CDK14: variants seen among roughly 807,000 people sequenced by gnomAD.
CDK14 encodes cyclin dependent kinase 14.
Under a neutral mutation model 60.7 loss-of-function variants are expected in CDK14, and 34 were observed. The observed-to-expected ratio is 0.56, with a 90% confidence interval of 0.43 to 0.75. The LOEUF is 0.75. CDK14 is among the 30% of genes least tolerant of loss of function. The probability of loss-of-function intolerance (pLI) is 0.00; values close to 1 mark genes in which losing one functional copy is unlikely to be tolerated. For synonymous variants in CDK14, 197 were observed against 203.7 expected, an observed-to-expected ratio of 0.97 and a Z score of 0.28; for missense variants, 482 against 564.1, an observed-to-expected ratio of 0.85 and a Z score of 1.47.
At chr7:91,076,530 C>A (rs866462933) in intron 11 of CDK14, among the ~76,000 whole-genome samples, 1 of 152,026 alleles carries the variant, frequency 6.6e-6, no homozygotes, top group Non-Finnish European at 1.5e-5. Flanking sequence ...AATATAAAGC[C>A]CCAAATCATA....
intron 10 of CDK14, among the ~76,000 whole-genome samples, chr7:91,037,568 T>C (rs923217994): frequency 1.3e-5 from 2 of 152,202 alleles, no homozygotes; most frequent in African/African-American, 4.8e-5. Context: ...CAGCTTCTCC[T>C]AGAAGCAGAT....
intron 8 of CDK14, among the ~76,000 whole-genome samples, chr7:90,938,721 G>A (rs893956540): frequency 1.2e-4 from 19 of 152,174 alleles, no homozygotes; most frequent in Admixed American, 7.9e-4. Context: ...GAAGTTGCCA[G>A]TAGTTGAAAC....
chr7:90,937,215 G>A (rs1793784182), intron 8 of CDK14, among the ~76,000 whole-genome samples: 2 of 152,150 alleles, frequency 1.3e-5, no homozygotes, highest in Non-Finnish European at 2.9e-5. Context: ...ATGGTAAACT[G>A]TAGAAACATT....
intron 14 of CDK14, among the ~76,000 whole-genome samples, chr7:91,142,192 AT>A (rs1472155912): frequency 2.0e-5 from 3 of 152,120 alleles, no homozygotes; most frequent in African/African-American, 7.2e-5. Context: ...CATGAAAATA[AT>A]TTTTTTCTGC....
Position 90,757,823 on chromosome 7 carries a change from G to A in CDK14, c.464+10048G>A, listed in dbSNP as rs575061662. 3.9e-5 allele frequency among the ~76,000 whole-genome samples: 6 copies of A among 152,124 alleles called. No individual in the cohort carries two copies. The South Asian group carries it at 1.0e-3, about 26-fold the overall frequency. On this transcript the variant is annotated intron_variant, in intron 4 of 14. Coordinates refer to ENST00000380050, the MANE Select transcript of CDK14 (RefSeq NM_001287135.2). ...TTGCCATGTTGCCCAGACTGGTCTC[G>A]AACTCCTGAACTAAAGTGATCCACC...
chr7:91,173,886 A>G lies in CDK14; in HGVS notation c.*29-33279A>G, dbSNP rs1327016854. On this transcript the variant is annotated intron_variant, in intron 14 of 14. Coordinates refer to ENST00000380050, the MANE Select transcript of CDK14 (RefSeq NM_001287135.2). ...GCGGCAGCGAGGCTGGGGGAGGGGC[A>G]CCCGCCATTGCACAGGCTTGATTAG... Among the ~76,000 whole-genome samples, 377 of 151,980 alleles carry G rather than the reference A, an allele frequency of 2.5e-3. 4 individuals carry two copies. The highest frequency in any genetic ancestry group is 0.019 in the East Asian group (99 of 5,132).
chr7:90,649,917 A>G (rs1584769028), intron 2 of CDK14, among the ~76,000 whole-genome samples: 1 of 152,184 alleles, frequency 6.6e-6, no homozygotes, highest in East Asian at 1.9e-4. Context: ...TGCGGTAAAC[A>G]TACATATGCA....
chr7:90,954,209 C>A (rs1223309662), intron 8 of CDK14, among the ~76,000 whole-genome samples: 3 of 152,008 alleles, frequency 2.0e-5, no homozygotes, highest in African/African-American at 7.2e-5. Context: ...TTTGTCTTAC[C>A]AGCTGTCTTA....
chr7:90,706,939 T>A (rs1801909966), intron 2 of CDK14, among the ~76,000 whole-genome samples: 1 of 152,074 alleles, frequency 6.6e-6, no homozygotes, highest in African/African-American at 2.4e-5. Context: ...GTAGTTTTTG[T>A]CTGAGGCCAC....
At chr7:91,168,941 G>A (rs772524722) in intron 14 of CDK14, among the ~76,000 whole-genome samples, 15 of 152,154 alleles carry the variant, frequency 9.9e-5, no homozygotes, top group Non-Finnish European at 1.9e-4. Context: ...GTGCTGGGCC[G>A]TGGACTCATC....
chr7:90,915,259 AC>A (rs1400051464), intron 7 of CDK14, among the ~76,000 whole-genome samples: 5 of 151,980 alleles, frequency 3.3e-5, no homozygotes, highest in African/African-American at 1.2e-4. Context: ...ACATGGTGAA[AC>A]CCCGTCTCTA....
chr7:91,162,517 G>A lies in CDK14; in HGVS notation c.*28+44309G>A, dbSNP rs111677154. On this transcript the variant is annotated intron_variant, in intron 14 of 14. Coordinates refer to ENST00000380050, the MANE Select transcript of CDK14 (RefSeq NM_001287135.2). ...CAGGAAACCGGGAAGGTTAGGGGAG[G>A]GAGAGGAGCCAGGCCCCAGGGCCAG... 4.7e-3 allele frequency among the ~76,000 whole-genome samples: 711 copies of A among 152,220 alleles called. 10 individuals carry two copies. The highest frequency in any genetic ancestry group is 0.016 in the African/African-American group (677 of 41,546).
At chr7:90,925,735 C>A (rs1793397231) in intron 8 of CDK14, among the ~76,000 whole-genome samples, 1 of 152,078 alleles carries the variant, frequency 6.6e-6, no homozygotes, top group Admixed American at 6.6e-5. Context: ...GACATGTGAG[C>A]ATTTTGCTCA....
chr7:90,965,702 T>G (rs967020366), intron 9 of CDK14, among the ~76,000 whole-genome samples: 15 of 152,230 alleles, frequency 9.9e-5, no homozygotes, highest in African/African-American at 3.6e-4. Flanking sequence ...GAGATACAGT[T>G]TTCAAATTCT....
chr7:90,828,692 T>G (rs1219510676), intron 5 of CDK14, among the ~76,000 whole-genome samples: 1 of 152,142 alleles, frequency 6.6e-6, no homozygotes, highest in Non-Finnish European at 1.5e-5. Flanking sequence ...CTTGTTGAAT[T>G]ACCCACTGAC....
At chr7:90,862,673 C>T (rs1256554980) in intron 5 of CDK14, among the ~76,000 whole-genome samples, 1 of 152,050 alleles carries the variant, frequency 6.6e-6, no homozygotes, top group Non-Finnish European at 1.5e-5. Context: ...ATCAAATTGA[C>T]ATTTATAGAA....
chr7:90,870,594 C>G (rs1791340102), intron 6 of CDK14, among the ~76,000 whole-genome samples: 1 of 152,048 alleles, frequency 6.6e-6, no homozygotes, highest in Non-Finnish European at 1.5e-5. Flanking sequence ...TCCACCATGC[C>G]CTAAGGAGAA....
rs749770906 is a variant in CDK14 at position 90,618,153 on chromosome 7, CA to C, written c.123+13905del. Among the ~76,000 whole-genome samples the C allele has an allele frequency of 1.4e-4, 21 of 152,264 alleles. No homozygotes were observed. In the East Asian group the frequency reaches 3.7e-3, roughly 27 times the overall value. The stretch of plus-strand genomic sequence containing the variant: ...GCTTCATTTTTATTTCATATTATGA[CA>C]GCTAAAATCTTTGTGAAGATTAAAA... On this transcript the variant is annotated intron_variant, in intron 2 of 14. Transcript: ENST00000380050.
chr7:90,710,705 T>A (rs368322227), intron 2 of CDK14: 56 of 247,226 alleles, frequency 2.3e-4, no homozygotes, highest in African/African-American at 1.2e-3. Context: ...GGAGAACCCC[T>A]GCATTCATGA....
Sources: gnomAD v4.1 joint callset for allele counts (sites outside exome capture counted in the v4.1 genomes callset) on GRCh38, gnomAD v4.1.1 for gene constraint, MANE v1.5 for transcripts, NCBI Gene and HGNC (gene_info 2026-07-23, HGNC 2026-07-21) for gene names.